Variants in CCDC63 observed in about 807,000 individuals in gnomAD.
CCDC63 encodes coiled-coil domain-containing protein 63.
A neutral mutation model predicts 63.6 loss-of-function variants in CCDC63; 54 were observed. That is an observed-to-expected ratio of 0.85 (90% CI 0.68 to 1.07). The LOEUF (loss-of-function observed/expected upper bound fraction) is 1.07. CCDC63 is among the 50% of genes least tolerant of loss of function. CCDC63 has a pLI of 0.00. For synonymous variants in CCDC63, 253 were observed against 266.1 expected, an observed-to-expected ratio of 0.95 and a Z score of 0.48; for missense variants, 637 against 689.6, an observed-to-expected ratio of 0.92 and a Z score of 0.86.
At chr12:110,845,250 A>T (rs964961857), upstream of CCDC63, among the ~76,000 whole-genome samples, 7 of 152,182 alleles carry the variant, frequency 4.6e-5, no homozygotes, top group Non-Finnish European at 1.0e-4. Flanking sequence ...TGACACTTGA[A>T]ATGTGTGAGT....
chr12:110,894,749 G>GC (rs2071397618), intron 9 of CCDC63, among the ~76,000 whole-genome samples: 2 of 152,148 alleles, frequency 1.3e-5, no homozygotes, highest in Admixed American at 1.3e-4. Context: ...TGAGACTGGC[G>GC]CCCCTCTACA....
chr12:110,881,200 G>C lies in CCDC63; in HGVS notation c.757G>C (p.Glu253Gln), dbSNP rs1263052703. Residue 253 changes from glutamate to glutamine, a missense_variant, in exon 7 of 12, where the codon GAG becomes CAG. By Grantham distance (29) the Glu-to-Gln change is conservative. Transcript: ENST00000308208. ...SQYNLEIREL[E>Q]RLYAHESKLK... is the part of the protein sequence containing the mutation. Reference sequence around the variant, plus strand: ...GTACAACCTGGAGATCCGAGAGCTGGAGCGTCTCTATGCCCATGAGAGCAA... The same window carrying C: ...GTACAACCTGGAGATCCGAGAGCTGCAGCGTCTCTATGCCCATGAGAGCAA... 1 of 1,613,728 alleles carries C rather than the reference G, an allele frequency of 6.2e-7. No homozygotes were observed. Among genetic ancestry groups the C allele is most frequent in the South Asian group, 1.1e-5 (1 of 91,030 alleles).
chr12:110,901,061 A>C (rs2071479502), intron 10 of CCDC63, among the ~76,000 whole-genome samples: 1 of 152,234 alleles, frequency 6.6e-6, no homozygotes, highest in African/African-American at 2.4e-5. Context: ...CAAAATTGGC[A>C]AAGCAATGTG....
chr12:110,891,684 A>G (rs964560166), intron 8 of CCDC63, among the ~76,000 whole-genome samples: 4 of 150,876 alleles, frequency 2.7e-5, no homozygotes, highest in African/African-American at 7.3e-5. Flanking sequence ...ATTCCCCAGA[A>G]CCCCTCCCAT....
At chr12:110,852,663 C>G (rs562303987) in intron 1 of CCDC63, among the ~76,000 whole-genome samples, 196 bp from the exon 2 acceptor site, 8 of 152,220 alleles carry the variant, frequency 5.3e-5, no homozygotes, top group Middle Eastern at 6.8e-3. Context: ...GGTGAGAGAA[C>G]CAGGTTCCAG....
At chr12:110,905,926 A>T (rs2071561495) in intron 11 of CCDC63, among the ~76,000 whole-genome samples, 1 of 57,236 alleles carries the variant, frequency 1.7e-5, no homozygotes, top group Non-Finnish European at 3.1e-5. Context: ...TATATATAAT[A>T]TATATTATAT....
At chr12:110,897,135 TA>T (rs1051266833) in intron 9 of CCDC63, among the ~76,000 whole-genome samples, 7 of 152,110 alleles carry the variant, frequency 4.6e-5, no homozygotes, top group Non-Finnish European at 7.4e-5. Flanking sequence ...GAACACATAA[TA>T]AAAATATTGA....
intron 8 of CCDC63, 34 bp downstream of exon 8, chr12:110,884,284 C>T (rs750095741): frequency 6.4e-7 from 1 of 1,556,216 alleles, no homozygotes; most frequent in Non-Finnish European, 8.9e-7. Flanking sequence ...GGCCCTGGGC[C>T]CCTGTGTCCA....
chr12:110,859,029 C>G (rs1316304067), intron 4 of CCDC63, among the ~76,000 whole-genome samples: 4 of 152,158 alleles, frequency 2.6e-5, no homozygotes. Context: ...TGAATAAACC[C>G]CCACAGCTGC....
At chr12:110,895,304 G>A (rs565331727) in intron 9 of CCDC63, among the ~76,000 whole-genome samples, 1 of 152,202 alleles carries the variant, frequency 6.6e-6, no homozygotes, top group African/African-American at 2.4e-5. Context: ...TAGTAGAGAC[G>A]GGGTTTTACC....
intron 9 of CCDC63, among the ~76,000 whole-genome samples, chr12:110,895,596 C>A (rs749743700): frequency 6.6e-6 from 1 of 152,188 alleles, no homozygotes; most frequent in Admixed American, 6.5e-5. Context: ...GCTCTGGGAG[C>A]CTGGCTATGA....
chr12:110,905,818 G>A (rs990969044), intron 11 of CCDC63, among the ~76,000 whole-genome samples: 1 of 129,318 alleles, frequency 7.7e-6, no homozygotes, highest in African/African-American at 2.9e-5. Context: ...ACACACATGC[G>A]TGTGTACACA....
chr12:110,898,296 A>C (rs1428913163), intron 9 of CCDC63, among the ~76,000 whole-genome samples: 3 of 150,318 alleles, frequency 2.0e-5, no homozygotes, highest in African/African-American at 7.4e-5. Context: ...CTCAAAAATA[A>C]ATAAATAAAA....
At chr12:110,896,681 C>A (rs1271267376) in intron 9 of CCDC63, among the ~76,000 whole-genome samples, 1 of 152,184 alleles carries the variant, frequency 6.6e-6, no homozygotes, top group Non-Finnish European at 1.5e-5. Context: ...GTCACAATCA[C>A]CTGGGAGGCT....
intron 8 of CCDC63, among the ~76,000 whole-genome samples, chr12:110,887,394 G>A (rs1353947633): frequency 6.6e-6 from 1 of 151,976 alleles, no homozygotes; most frequent in African/African-American, 2.4e-5. Context: ...CCAAAGTGTT[G>A]GGATTACAGG....
At chr12:110,875,460 T>C (rs185520214) in intron 5 of CCDC63, among the ~76,000 whole-genome samples, 1 of 152,220 alleles carries the variant, frequency 6.6e-6, no homozygotes, top group African/African-American at 2.4e-5. Flanking sequence ...TTTTTTTTTT[T>C]GAGACGGAGT....
At chr12:110,873,785 C>A (rs1171683185) in intron 4 of CCDC63, 57 bp from the exon 5 acceptor site, 1 of 1,592,354 alleles carries the variant, frequency 6.3e-7, no homozygotes, top group Non-Finnish European at 8.5e-7. Context: ...AACTGTAGAA[C>A]GGGTACCCAT....
chr12:110,867,581 C>T (rs1179327383), intron 4 of CCDC63, among the ~76,000 whole-genome samples: 3 of 132,280 alleles, frequency 2.3e-5, no homozygotes, highest in South Asian at 2.4e-4. Flanking sequence ...GGGGGCTGAC[C>T]CCCCCACCTC....
chr12:110,876,917 A>G (rs1424788729), intron 5 of CCDC63, among the ~76,000 whole-genome samples: 3 of 150,788 alleles, frequency 2.0e-5, no homozygotes, highest in Non-Finnish European at 4.4e-5. Flanking sequence ...TGTGGCCTGC[A>G]CCTGTAGTCC....
Sources: allele counts gnomAD v4.1 joint callset (sites outside exome capture counted in the v4.1 genomes callset), GRCh38; gene constraint gnomAD v4.1.1; transcripts MANE v1.5; gene names NCBI Gene and HGNC (gene_info 2026-07-23, HGNC 2026-07-21).